Variants in DNMBP observed in about 807,000 individuals in gnomAD.
DNMBP encodes dynamin-binding protein.
Under a neutral mutation model 150.0 loss-of-function variants are expected in DNMBP, and 87 were observed. The observed-to-expected ratio is 0.58, with a 90% CI of 0.49 to 0.69. DNMBP has a LOEUF of 0.69. Ranked by LOEUF, DNMBP falls within the 30% of genes least tolerant of loss-of-function variation. The pLI is 0.00. For synonymous variants in DNMBP, 711 were observed against 750.4 expected, an observed-to-expected ratio of 0.95 and a Z score of 0.86; for missense variants, 1,774 against 1,949.0, an observed-to-expected ratio of 0.91 and a Z score of 1.69.
chr10:99,885,842 C>T lies in DNMBP; in HGVS notation c.3643G>A (p.Gly1215Arg). The T allele has an allele frequency of 6.2e-7, 1 of 1,612,930 alleles. No individual in the cohort carries two copies. Among genetic ancestry groups the T allele is most frequent in the Non-Finnish European group, 8.5e-7 (1 of 1,179,566 alleles). The change falls in exon 14 of 17, where the codon GGA becomes AGA. Residue 1215 changes from glycine to arginine, a missense_variant. Around this residue, in one of 2 missense-constraint regions of DNMBP, gnomAD observed 1,430 missense variants for 1,492.5 expected, o/e 0.96. Transcript: ENST00000324109. ...TCGTGGAAGATGGCAATAAGGTTTCCCTCTCTGCCAGCCACTTTGAGTAAC... is the reference window on the plus strand; with the variant it reads ...TCGTGGAAGATGGCAATAAGGTTTCTCTCTCTGCCAGCCACTTTGAGTAAC... ...LSLLKVAGREGNLIAIFHEEH... is the reference protein window; with the variant it reads ...LSLLKVAGRERNLIAIFHEEH...
At chr10:99,898,789 G>C (rs376589497) in intron 7 of DNMBP, 29 bp from the exon 8 acceptor site, 6 of 1,607,110 alleles carry the variant, frequency 3.7e-6, no homozygotes, top group Non-Finnish European at 5.1e-6. Context: ...GAAAAGAAAA[G>C]AGACAGTTTA....
At chr10:99,908,153 C>A in intron 5 of DNMBP, 59 bp from the exon 6 acceptor site, 2 of 1,227,908 alleles carry the variant, frequency 1.6e-6, no homozygotes, top group South Asian at 2.4e-5. Context: ...GCATTTCAAT[C>A]ATCTTAGGAA....
chr10:99,879,092 A>AAAAAAAAAAAAC (rs1338322916), intron 16 of DNMBP, among the ~76,000 whole-genome samples: 1 of 150,244 alleles, frequency 6.7e-6, no homozygotes. Flanking sequence ...CTCAAAAAAA[A>AAAAAAAAAAAAC]AAAAAAAAAC....
intron 4 of DNMBP, among the ~76,000 whole-genome samples, chr10:99,936,739 C>G (rs2040236414): frequency 6.6e-6 from 1 of 152,112 alleles, no homozygotes; most frequent in Non-Finnish European, 1.5e-5. Context: ...GGGTCTTGCT[C>G]TGTTGCCCAG....
At chr10:99,913,459 G>C (rs2039925834) in intron 4 of DNMBP, among the ~76,000 whole-genome samples, 1 of 152,070 alleles carries the variant, frequency 6.6e-6, no homozygotes, top group African/African-American at 2.4e-5. Context: ...AAGCAGAAAA[G>C]TGCCCTGTGC....
chr10:99,954,384 C>T (rs1198918032), intron 4 of DNMBP, among the ~76,000 whole-genome samples: 1 of 151,904 alleles, frequency 6.6e-6, no homozygotes, highest in Non-Finnish European at 1.5e-5. Context: ...CAGGAGGCTA[C>T]AGCAGTCATA....
intron 4 of DNMBP, among the ~76,000 whole-genome samples, chr10:99,952,045 T>G (rs1447514177): frequency 6.6e-6 from 1 of 152,096 alleles, no homozygotes; most frequent in Non-Finnish European, 1.5e-5. Flanking sequence ...GCTGCTCTCG[T>G]GAGAGTGAGT....
At chr10:100,007,516 C>T (rs1282650709) in intron 1 of DNMBP, among the ~76,000 whole-genome samples, 1 of 152,122 alleles carries the variant, frequency 6.6e-6, no homozygotes, top group Non-Finnish European at 1.5e-5. Flanking sequence ...CAAGTAAGGA[C>T]CAAAAGCCAT....
At chr10:99,948,965 A>AAAATAAATAAATAAAT (rs55754467) in intron 4 of DNMBP, among the ~76,000 whole-genome samples, 10 of 137,220 alleles carry the variant, frequency 7.3e-5, no homozygotes, top group African/African-American at 1.6e-4. Context: ...CTCCATCTCA[A>AAAATAAATAAATAAAT]AAATAAATAA....
intron 1 of DNMBP, among the ~76,000 whole-genome samples, chr10:99,979,939 C>A (rs943872636): frequency 1.3e-5 from 2 of 152,162 alleles, no homozygotes; most frequent in African/African-American, 4.8e-5. Context: ...CATGGTCAGT[C>A]CCACATATTT....
intron 4 of DNMBP, among the ~76,000 whole-genome samples, chr10:99,934,584 G>T (rs560306989): frequency 6.7e-5 from 9 of 134,084 alleles, no homozygotes; most frequent in Non-Finnish European, 9.7e-5. Flanking sequence ...ATATATTTTG[G>T]GTAATAAGAA....
Position 99,957,168 on chromosome 10 carries a change from G to A in DNMBP, c.306C>T (p.Gly102=). 1.2e-6 allele frequency: 2 copies of A among 1,607,700 alleles called. No homozygotes were observed. The highest frequency in any genetic ancestry group is 1.7e-6 in the Non-Finnish European group (2 of 1,179,924). Residue 102 remains glycine (G), a synonymous_variant, in exon 4 of 17, where the codon GGC becomes GGT. Transcript: ENST00000324109. ...LVILDGIPTA[G]WLQGRSCWGA... The stretch of plus-strand genomic sequence containing the variant: ...CCCAGCAGCTTCGGCCCTGCAGCCA[G>A]CCTGCAGTGGGAATGCCATCGAGAA...
At chr10:99,962,121 GA>G (rs1292160103) in intron 3 of DNMBP, among the ~76,000 whole-genome samples, 3 of 152,040 alleles carry the variant, frequency 2.0e-5, no homozygotes, top group African/African-American at 7.2e-5. Flanking sequence ...GCCTAGAAAA[GA>G]AATTATTGTC....
At chr10:99,891,948 C>T (rs2039574256) in intron 11 of DNMBP, among the ~76,000 whole-genome samples, 2 of 148,882 alleles carry the variant, frequency 1.3e-5, no homozygotes, top group African/African-American at 2.5e-5. Context: ...GGCCAGCCGC[C>T]CCGTCCGGGA....
At chr10:99,887,846 CAG>C (rs2039494114) in intron 12 of DNMBP, among the ~76,000 whole-genome samples, 1 of 152,048 alleles carries the variant, frequency 6.6e-6, no homozygotes, top group East Asian at 1.9e-4. Context: ...TTTTTTGAGA[CAG>C]AGTTTCGCTC....
chr10:99,914,041 C>T (rs1414307035), intron 4 of DNMBP: 2 of 1,498,492 alleles, frequency 1.3e-6, no homozygotes, highest in Non-Finnish European at 1.8e-6. Context: ...TGGAATGCTC[C>T]ACAACCCCCC....
intron 6 of DNMBP, among the ~76,000 whole-genome samples, 174 bp from the exon 7 acceptor site, chr10:99,900,240 A>G (rs964494490): frequency 2.0e-5 from 3 of 152,228 alleles, no homozygotes; most frequent in African/African-American, 4.8e-5. Flanking sequence ...TAAAGTTGTA[A>G]TCATTTAAAG....
intron 15 of DNMBP, 32 bp downstream of exon 15, chr10:99,883,979 A>C: frequency 1.3e-6 from 2 of 1,573,056 alleles, no homozygotes; most frequent in Non-Finnish European, 1.7e-6. Context: ...TTTTTTTTCC[A>C]GTTACAGTCC....
At chr10:99,998,010 C>T (rs1184259887) in intron 1 of DNMBP, among the ~76,000 whole-genome samples, 4 of 143,988 alleles carry the variant, frequency 2.8e-5, no homozygotes, top group Non-Finnish European at 4.5e-5. Context: ...CCAAGGTGGG[C>T]AGATCACAAG....
Sources: allele counts gnomAD v4.1 joint callset (sites outside exome capture counted in the v4.1 genomes callset), GRCh38; gene constraint gnomAD v4.1.1; regional missense constraint gnomAD v4.1.1; transcripts MANE v1.5; gene names NCBI Gene and HGNC (gene_info 2026-07-23, HGNC 2026-07-21).